Variants in AFF3 observed in about 807,000 individuals in gnomAD.
AFF3 encodes the protein AF4/FMR2 family member 3.
In AFF3, 32 loss-of-function variants were observed where a neutral mutation model predicts 129.7. The ratio of observed to expected loss-of-function variants is 0.25; its 90% CI spans 0.19 to 0.33. The LOEUF (loss-of-function observed/expected upper bound fraction) is 0.33, where lower values mean the gene tolerates loss of function less well. Ranked by LOEUF, AFF3 falls within the 10% of genes least tolerant of loss-of-function variation. The pLI is 1.00. For missense variants in AFF3, 1,373 were observed against 1,592.0 expected (o/e 0.86, Z 2.34); for synonymous variants, 644 against 635.4 (o/e 1.01, Z -0.20).
At chr2:99,935,095 A>G (rs1674400193) in intron 7 of AFF3, among the ~76,000 whole-genome samples, 1 of 152,212 alleles carries the variant, frequency 6.6e-6, no homozygotes, top group South Asian at 2.1e-4. Flanking sequence ...ATGTCTGAAC[A>G]TGGGAGGTCA....
At position 100,105,739 on chromosome 2, in the gene AFF3, T is replaced by G. The variant is rs1334749360; in HGVS notation, c.-144-156A>C. 2.9e-6 allele frequency: 4 copies of G among 1,362,764 alleles called. No homozygotes were observed. In the Admixed American group the frequency reaches 8.8e-5, roughly 30 times the overall value. 84.4% of individuals were successfully genotyped at this position (1,362,764 alleles called of 1,614,324 possible). ...TACCTCTGCTTCTCCACAGTTGGCC[T>G]AGAACCGGAAGCCCCTCCAAGGCCC... On this transcript the variant is annotated intron_variant, in intron 2 of 24. Coordinates refer to ENST00000672756, the MANE Select transcript of AFF3 (RefSeq NM_001386135.1).
intron 4 of AFF3, among the ~76,000 whole-genome samples, chr2:100,051,668 T>C (rs553171375): frequency 5.3e-5 from 8 of 152,194 alleles, no homozygotes; most frequent in Non-Finnish European, 1.0e-4. Context: ...AGGGGGTCTC[T>C]ACATGGACAG....
intron 13 of AFF3, among the ~76,000 whole-genome samples, chr2:99,621,686 A>G (rs1302258285): frequency 6.6e-6 from 1 of 152,248 alleles, no homozygotes; most frequent in Non-Finnish European, 1.5e-5. Flanking sequence ...CAATGCGGCC[A>G]TAAAATTCCT....
rs1433511302 is a variant in AFF3 at position 99,572,372 on chromosome 2, G to A, written c.2919-3457C>T. Among the ~76,000 whole-genome samples, 6 of 130,742 alleles carry A rather than the reference G, an allele frequency of 4.6e-5. No individual in the cohort carries two copies. In the East Asian group the frequency reaches 1.4e-3, roughly 30 times the overall value. The allele number at this position is 130,742 out of a possible 152,430, so 85.8% of individuals were successfully genotyped here. ...TTTGAGCTACCCCCATATTTCTTCT[G>A]GCATGGGAATATTAAAGCAACCTTG... On this transcript the variant is annotated intron_variant, in intron 18 of 24. Coordinates refer to ENST00000672756, the MANE Select transcript of AFF3 (RefSeq NM_001386135.1).
intron 4 of AFF3, among the ~76,000 whole-genome samples, chr2:100,009,575 G>A (rs1410076905): frequency 6.6e-6 from 1 of 152,268 alleles, no homozygotes; most frequent in East Asian, 1.9e-4. Flanking sequence ...GCAATGAGGG[G>A]AGAGAACGGA....
At chr2:100,132,950 T>G (rs571070431) in intron 1 of AFF3, among the ~76,000 whole-genome samples, 1 of 151,700 alleles carries the variant, frequency 6.6e-6, no homozygotes, top group Admixed American at 6.6e-5. Context: ...TTTTTTTAGA[T>G]ACGGGGTTTT....
At chr2:99,896,996 A>C (rs1331219443) in intron 7 of AFF3, among the ~76,000 whole-genome samples, 1 of 152,140 alleles carries the variant, frequency 6.6e-6, no homozygotes, top group Non-Finnish European at 1.5e-5. Context: ...ACTGTTTTGC[A>C]AGTACACCCC....
intron 11 of AFF3, among the ~76,000 whole-genome samples, chr2:99,683,561 T>C (rs1477890024): frequency 3.3e-5 from 5 of 152,086 alleles, no homozygotes; most frequent in Non-Finnish European, 5.9e-5. Context: ...GTGATCCTCC[T>C]GCCTCAGCCC....
intron 7 of AFF3, among the ~76,000 whole-genome samples, chr2:99,939,781 G>A (rs1173480347): frequency 1.3e-5 from 2 of 152,118 alleles, no homozygotes; most frequent in Non-Finnish European, 2.9e-5. Context: ...TGTAAAAAAC[G>A]CAATCTGTAT....
intron 4 of AFF3, among the ~76,000 whole-genome samples, chr2:100,033,015 T>C (rs1308140585): frequency 6.6e-6 from 1 of 152,232 alleles, no homozygotes; most frequent in Non-Finnish European, 1.5e-5. Context: ...CTCTGTACTT[T>C]TCATACATGT....
At chr2:100,012,570 C>T (rs1200853346) in intron 4 of AFF3, among the ~76,000 whole-genome samples, 1 of 152,184 alleles carries the variant, frequency 6.6e-6, no homozygotes, top group Non-Finnish European at 1.5e-5. Context: ...ACAGTGAGCC[C>T]CCATCCCACT....
At chr2:100,059,961 T>C (rs1687123320) in intron 4 of AFF3, among the ~76,000 whole-genome samples, 1 of 151,366 alleles carries the variant, frequency 6.6e-6, no homozygotes, top group African/African-American at 2.5e-5. Context: ...GATAACGTTC[T>C]GTGTAACAAC....
intron 4 of AFF3, among the ~76,000 whole-genome samples, chr2:100,076,155 T>C (rs2105328724): frequency 6.6e-6 from 1 of 152,322 alleles, no homozygotes; most frequent in Admixed American, 6.5e-5. Context: ...CTGGTGTTCA[T>C]GGTGAAAAAG....
intron 11 of AFF3, among the ~76,000 whole-genome samples, chr2:99,674,069 G>A (rs1687403905): frequency 6.6e-6 from 1 of 152,174 alleles, no homozygotes. Context: ...TAGTTTTTAG[G>A]GTACTATTTA....
chr2:100,007,461 C>G lies in AFF3; in HGVS notation c.175-1G>C. The G allele has an allele frequency of 6.2e-7, 1 of 1,609,032 alleles. No homozygotes were observed. Among genetic ancestry groups the G allele is most frequent in the Non-Finnish European group, 8.5e-7 (1 of 1,177,316 alleles). ...TGGAGAGTTCATCCCCCTTGTTAGTCTGGAGAAAGAAAAACACATCCACGC... is the reference window on the plus strand; with the variant it reads ...TGGAGAGTTCATCCCCCTTGTTAGTGTGGAGAAAGAAAAACACATCCACGC... On this transcript the variant is annotated splice_acceptor_variant, in intron 5 of 24. Transcript: ENST00000672756. LOFTEE classifies it high-confidence loss of function.
rs199759675 is a variant in AFF3 at position 99,744,090 on chromosome 2, G to A, written c.1039+14C>T. 4.3e-5 allele frequency: 69 copies of A among 1,595,072 alleles called. 1 individual carries two copies. Among genetic ancestry groups the A allele is most frequent in the Middle Eastern group, 1.7e-4 (1 of 5,992 alleles). ...TGCTCCCCAGATGAAACTCCAGAGCGAAGTCTTTCTTACTTGGATTATTGT... is the reference window on the plus strand; with the variant it reads ...TGCTCCCCAGATGAAACTCCAGAGCAAAGTCTTTCTTACTTGGATTATTGT... On this transcript the variant is annotated intron_variant, in intron 10 of 24. Coordinates refer to ENST00000672756, the MANE Select transcript of AFF3 (RefSeq NM_001386135.1).
At chr2:99,660,586 A>T (rs1686143221) in intron 12 of AFF3, among the ~76,000 whole-genome samples, 1 of 152,248 alleles carries the variant, frequency 6.6e-6, no homozygotes, top group Non-Finnish European at 1.5e-5. Context: ...ATGTATAATA[A>T]TCACACAGTC....
intron 7 of AFF3, among the ~76,000 whole-genome samples, chr2:100,002,530 C>T (rs1681516706): frequency 6.6e-6 from 1 of 152,180 alleles, no homozygotes; most frequent in Non-Finnish European, 1.5e-5. Flanking sequence ...TTCTGATCAA[C>T]CATAAATGGT....
At chr2:99,874,904 CATT>C (rs1473550420) in intron 7 of AFF3, among the ~76,000 whole-genome samples, 2 of 151,862 alleles carry the variant, frequency 1.3e-5, no homozygotes, top group African/African-American at 4.8e-5. Flanking sequence ...AGGAAAAAAA[CATT>C]AGAGTGAGAC....
Sources: allele counts gnomAD v4.1 joint callset (sites outside exome capture counted in the v4.1 genomes callset), GRCh38; gene constraint gnomAD v4.1.1; transcripts MANE v1.5; gene names NCBI Gene and HGNC (gene_info 2026-07-23, HGNC 2026-07-21).